The following MMP16 variants were observed in gnomAD, a reference collection of about 807,000 sequenced individuals.
MMP16 encodes the protein matrix metalloproteinase-16.
MMP16 carries 12 observed loss-of-function variants against 67.8 expected under a neutral mutation model. The ratio of observed to expected loss-of-function variants is 0.18; its 90% confidence interval spans 0.11 to 0.29. MMP16 has a LOEUF of 0.29. MMP16 is among the 10% of genes least tolerant of loss of function. The pLI is 1.00. For synonymous variants in MMP16, 249 were observed against 255.9 expected (o/e 0.97, Z 0.26); for missense variants, 475 against 765.7 (o/e 0.62, Z 4.48).
In MMP16 at chr8:88,283,444, A is replaced by G. The variant is rs535084887; in HGVS notation, c.132+43631T>C. On this transcript the variant is annotated intron_variant, in intron 1 of 9. Coordinates refer to ENST00000286614, the MANE Select transcript of MMP16 (RefSeq NM_005941.5). ...TTCCTTATATAGAGTATAAAAATAA[A>G]AACAGAACTCAAAAACAAAGCTATT... Among the ~76,000 whole-genome samples the G allele has an allele frequency of 6.6e-5, 10 of 152,310 alleles. No homozygotes were observed. The East Asian group carries it at 1.2e-3, about 18-fold the overall frequency.
chr8:88,224,340 T>C (rs548846167), intron 1 of MMP16, among the ~76,000 whole-genome samples: 1 of 152,166 alleles, frequency 6.6e-6, no homozygotes, highest in East Asian at 1.9e-4. Flanking sequence ...ATATACATCA[T>C]CAGATAAGCA....
At position 88,133,795 on chromosome 8, in the gene MMP16, G is replaced by T. The variant is rs1052277867; in HGVS notation, c.710-14934C>A. Among the ~76,000 whole-genome samples the T allele has an allele frequency of 3.7e-4, 56 of 151,688 alleles. 1 individual carries two copies. Among genetic ancestry groups the T allele is most frequent in the African/African-American group, 1.3e-3 (52 of 41,460 alleles). ...TTCACTGGTTTTCTCTAATTATCAT[G>T]GTTCGCATTATAACTATCATATCAT... On this transcript the variant is annotated intron_variant, in intron 4 of 9. Transcript: ENST00000286614.
chr8:88,120,875 C>G (rs1231198357), intron 4 of MMP16, among the ~76,000 whole-genome samples: 3 of 151,916 alleles, frequency 2.0e-5, no homozygotes, highest in Admixed American at 6.6e-5. Flanking sequence ...CAAACTTCAT[C>G]CCCTCCTCCT....
chr8:88,147,719 T>A (rs1262904260), intron 4 of MMP16, among the ~76,000 whole-genome samples: 1 of 151,950 alleles, frequency 6.6e-6, no homozygotes, highest in Non-Finnish European at 1.5e-5. Context: ...GTCTTTTCTA[T>A]CTGTTGGTTT....
intron 4 of MMP16, among the ~76,000 whole-genome samples, chr8:88,119,381 T>C (rs1180919400): frequency 6.6e-6 from 1 of 152,070 alleles, no homozygotes; most frequent in African/African-American, 2.4e-5. Context: ...ACTAAAGCTT[T>C]ATTTTTTTGC....
chr8:88,218,771 G>A (rs994061146), intron 1 of MMP16, among the ~76,000 whole-genome samples: 1 of 151,972 alleles, frequency 6.6e-6, no homozygotes, highest in Admixed American at 6.6e-5. Flanking sequence ...ACATGCTCAA[G>A]AGAAGCGCTG....
chr8:88,251,144 A>G (rs556022122), intron 1 of MMP16, among the ~76,000 whole-genome samples: 1 of 152,060 alleles, frequency 6.6e-6, no homozygotes, highest in Non-Finnish European at 1.5e-5. Context: ...TCCATGGTGT[A>G]TATGTGCCAC....
intron 1 of MMP16, among the ~76,000 whole-genome samples, chr8:88,287,907 T>A (rs2130010095): frequency 6.6e-6 from 1 of 152,312 alleles, no homozygotes; most frequent in East Asian, 1.9e-4. Context: ...CATGATTTGC[T>A]AAAGGCAACT....
At chr8:88,286,110 A>G (rs1397203785) in intron 1 of MMP16, among the ~76,000 whole-genome samples, 1 of 152,122 alleles carries the variant, frequency 6.6e-6, no homozygotes. Flanking sequence ...AGCATGATCA[A>G]CTGTTCACCA....
intron 1 of MMP16, among the ~76,000 whole-genome samples, chr8:88,310,151 T>C (rs1811273462): frequency 1.3e-5 from 2 of 152,218 alleles, no homozygotes; most frequent in South Asian, 2.1e-4. Context: ...CCTTTGATAT[T>C]TTCCCTAAGG....
chr8:88,219,466 T>C (rs1809643990), intron 1 of MMP16, among the ~76,000 whole-genome samples: 1 of 152,014 alleles, frequency 6.6e-6, no homozygotes, highest in African/African-American at 2.4e-5. Flanking sequence ...GCAGGTTGCT[T>C]TAAAGACTTT....
intron 1 of MMP16, among the ~76,000 whole-genome samples, chr8:88,245,611 A>G (rs1305871380): frequency 6.6e-6 from 1 of 152,194 alleles, no homozygotes; most frequent in Non-Finnish European, 1.5e-5. Flanking sequence ...AAGACCTAAA[A>G]GATTATCAGC....
intron 4 of MMP16, among the ~76,000 whole-genome samples, chr8:88,137,656 CT>C (rs1808143424): frequency 6.6e-6 from 1 of 151,886 alleles, no homozygotes; most frequent in African/African-American, 2.4e-5. Flanking sequence ...GCAATTTTCT[CT>C]TTATACATTG....
At chr8:88,153,774 C>A (rs1431204312) in intron 4 of MMP16, among the ~76,000 whole-genome samples, 1 of 150,542 alleles carries the variant, frequency 6.6e-6, no homozygotes, top group Non-Finnish European at 1.5e-5. Context: ...TAGAAGAAAA[C>A]CTAGGCATTA....
At chr8:88,306,860 A>G (rs1811218784) in intron 1 of MMP16, among the ~76,000 whole-genome samples, 1 of 152,206 alleles carries the variant, frequency 6.6e-6, no homozygotes, top group South Asian at 2.1e-4. Flanking sequence ...TTCCCCTTGA[A>G]AATTGGCACA....
intron 6 of MMP16, among the ~76,000 whole-genome samples, chr8:88,105,586 G>T (rs1300938826): frequency 6.6e-6 from 1 of 151,448 alleles, no homozygotes; most frequent in Non-Finnish European, 1.5e-5. Context: ...AAGTTCTATG[G>T]AAAATTGGTT....
intron 4 of MMP16, among the ~76,000 whole-genome samples, chr8:88,133,679 T>C (rs1197349884): frequency 2.0e-5 from 3 of 151,764 alleles, no homozygotes; most frequent in Non-Finnish European, 4.4e-5. Flanking sequence ...CAAAAAAAAT[T>C]AGAGCTTAAA....
intron 6 of MMP16, among the ~76,000 whole-genome samples, chr8:88,092,721 C>T (rs1808958600): frequency 6.6e-6 from 1 of 151,820 alleles, no homozygotes; most frequent in Non-Finnish European, 1.5e-5. Context: ...AATATAAAGG[C>T]ATTTTTAAAT....
chr8:88,146,468 C>T (rs1172504038), intron 4 of MMP16, among the ~76,000 whole-genome samples: 3 of 151,828 alleles, frequency 2.0e-5, no homozygotes, highest in Non-Finnish European at 4.4e-5. Context: ...ATTTATATGC[C>T]TATATCCACA....
Sources: allele counts gnomAD v4.1 joint callset (sites outside exome capture counted in the v4.1 genomes callset), GRCh38; gene constraint gnomAD v4.1.1; transcripts MANE v1.5; gene names NCBI Gene and HGNC (gene_info 2026-07-23, HGNC 2026-07-21).